SYNE2: variants seen among roughly 807,000 people sequenced by gnomAD.
The protein encoded by SYNE2 is spectrin repeat containing nuclear envelope protein 2.
In SYNE2, 431 loss-of-function variants were observed where a neutral mutation model predicts 856.3. That is an observed-to-expected ratio of 0.50 (90% CI 0.47 to 0.55). SYNE2 has a LOEUF of 0.55. SYNE2 is among the 20% of genes least tolerant of loss of function. The pLI is 0.00. For synonymous variants in SYNE2, 2,923 were observed against 2,872.3 expected (o/e 1.02, Z -0.56); for missense variants, 8,129 against 8,023.2 (o/e 1.01, Z -0.50).
At chr14:63,812,094 C>G (rs1398675403) in intron 1 of SYNE2, among the ~76,000 whole-genome samples, 1 of 152,128 alleles carries the variant, frequency 6.6e-6, no homozygotes, top group Non-Finnish European at 1.5e-5. Flanking sequence ...CTTCCCCAAC[C>G]TAATAAGCCT....
chr14:64,022,830 A>C lies in SYNE2; in HGVS notation c.5604A>C (p.Lys1868Asn). The change falls in exon 38 of 116, where the codon AAA becomes AAC. Residue 1868 changes from lysine to asparagine, a missense_variant. Coordinates refer to ENST00000555002, the MANE Select transcript of SYNE2 (RefSeq NM_182914.3). ...AGTGTTTTGAATCATCAGAAACAAA[A>C]AAGAGTGTGGAACAAAAGCTACAAA... Reference protein sequence around the residue: ...LKECFESSETKKSVEQKLQKL... With the variant: ...LKECFESSETNKSVEQKLQKL... 1 of 1,610,060 alleles carries C rather than the reference A, an allele frequency of 6.2e-7. No individual in the cohort carries two copies. The highest frequency in any genetic ancestry group is 8.5e-7 in the Non-Finnish European group (1 of 1,176,738).
intron 63 of SYNE2, 55 bp from the exon 64 acceptor site, chr14:64,101,877 G>A (rs1360503086): frequency 3.7e-6 from 5 of 1,363,366 alleles, no homozygotes; most frequent in African/African-American, 1.4e-5. Context: ...TAGGGCACCG[G>A]TTATGACAGT....
chr14:64,056,669 T>G (rs974324909), intron 49 of SYNE2, among the ~76,000 whole-genome samples: 25 of 95,506 alleles, frequency 2.6e-4, no homozygotes, highest in Admixed American at 9.0e-4. Flanking sequence ...TGACTTTTGT[T>G]GTACTTTTTT....
At chr14:63,951,603 C>A (rs572602239) in intron 7 of SYNE2, among the ~76,000 whole-genome samples, 2 of 152,264 alleles carry the variant, frequency 1.3e-5, no homozygotes, top group African/African-American at 4.8e-5. Context: ...GCTCCCGGCC[C>A]AGCCTTACTT....
chr14:64,222,616 C>T, intron 112 of SYNE2, among the ~76,000 whole-genome samples: 1 of 152,174 alleles, frequency 6.6e-6, no homozygotes, highest in East Asian at 1.9e-4. Flanking sequence ...ATCCCAGCTA[C>T]CTGGGAGGCT....
At chr14:63,974,890 G>GTGTGTGTATATATATA (rs1555407339) in intron 11 of SYNE2, among the ~76,000 whole-genome samples, 41 of 27,502 alleles carry the variant, frequency 1.5e-3, no homozygotes, top group African/African-American at 4.5e-3. Context: ...GTGTGTGTGT[G>GTGTGTGTATATATATA]TGTATATATA....
At chr14:64,153,019 T>G (rs1288940425) in intron 85 of SYNE2, among the ~76,000 whole-genome samples, 1 of 152,222 alleles carries the variant, frequency 6.6e-6, no homozygotes. Flanking sequence ...ACAGAGTATC[T>G]GGCATTGTTT....
At chr14:64,129,627 A>G (rs2097991728) in intron 74 of SYNE2, among the ~76,000 whole-genome samples, 155 bp from the exon 75 acceptor site, 1 of 152,180 alleles carries the variant, frequency 6.6e-6, no homozygotes, top group South Asian at 2.1e-4. Context: ...ACCTCTGGCA[A>G]GATTGTTAAG....
At chr14:63,762,587 TTTTC>T (rs148412809) in intron 1 of SYNE2, among the ~76,000 whole-genome samples, 31,472 of 109,330 alleles carry the variant, frequency 0.29, 4,284 homozygotes, top group African/African-American at 0.4. Flanking sequence ...TAGGATAATT[TTTTC>T]TTTCTTTTTT....
intron 1 of SYNE2, among the ~76,000 whole-genome samples, chr14:63,807,229 C>T (rs1367015418): frequency 6.6e-6 from 1 of 151,832 alleles, no homozygotes; most frequent in Non-Finnish European, 1.5e-5. Context: ...TCCCAGCTAG[C>T]TACTCAGAAG....
chr14:64,187,673 C>T (rs2098499100), intron 97 of SYNE2, among the ~76,000 whole-genome samples: 2 of 152,156 alleles, frequency 1.3e-5, no homozygotes, highest in Admixed American at 6.5e-5. Context: ...TTATACACAG[C>T]AGGAAAATCT....
chr14:64,038,352 T>C (rs1318045061), intron 45 of SYNE2, among the ~76,000 whole-genome samples: 7 of 147,462 alleles, frequency 4.7e-5, no homozygotes, highest in Admixed American at 4.0e-4. Context: ...CTCCTCACTT[T>C]CCAGACTGGG....
intron 38 of SYNE2, chr14:64,023,143 G>C: frequency 2.6e-6 from 1 of 385,742 alleles, no homozygotes. Context: ...TGTAGTCCCA[G>C]GTGAGAGGAT....
chr14:63,832,110 T>C (rs1340277599), intron 1 of SYNE2, among the ~76,000 whole-genome samples: 1 of 152,088 alleles, frequency 6.6e-6, no homozygotes, highest in Non-Finnish European at 1.5e-5. Flanking sequence ...AAAATAATGC[T>C]ACTAAATTAT....
chr14:64,219,124 T>TTTTTA lies in SYNE2; in HGVS notation c.19658-84_19658-83insTTTTA, dbSNP rs369808458. On this transcript the variant is annotated intron_variant, in intron 109 of 115. Transcript: ENST00000555002. ...TTTTTGTTTTTTTTTTTTTTTTTTTTAACCACCCTGACCCCTAATTAGCTG... is the reference window on the plus strand; with the variant it reads ...TTTTTGTTTTTTTTTTTTTTTTTTTTTTTTAAACCACCCTGACCCCTAATTAGCTG... 7.3e-3 allele frequency: 6,105 copies of TTTTTA among 838,784 alleles called. 46 individuals carry two copies. Among genetic ancestry groups the TTTTTA allele is most frequent in the Admixed American group, 0.021 (760 of 36,034 alleles). The allele number at this position is 838,784 out of a possible 1,614,324, so 52.0% of individuals were successfully genotyped here.
At chr14:64,048,327 T>A in intron 46 of SYNE2, 172 bp downstream of exon 46, 1 of 538,198 alleles carries the variant, frequency 1.9e-6, no homozygotes, top group Non-Finnish European at 3.2e-6. Context: ...TGTATAAATC[T>A]TTCCATTTAG....
chr14:64,100,532 ATATATATAT>A (rs1468874425), intron 63 of SYNE2, among the ~76,000 whole-genome samples: 1,980 of 43,142 alleles, frequency 0.046, 160 homozygotes, highest in African/African-American at 0.087. Flanking sequence ...AAAAAAAAAA[ATATATATAT>A]ATATATATAT....
intron 1 of SYNE2, among the ~76,000 whole-genome samples, chr14:63,879,170 T>C (rs2094799559): frequency 1.3e-5 from 2 of 152,216 alleles, no homozygotes; most frequent in African/African-American, 2.4e-5. Flanking sequence ...TACCCCAACC[T>C]TGAGTTGGGC....
chr14:63,895,404 T>G (rs1176589877), intron 1 of SYNE2, among the ~76,000 whole-genome samples: 1 of 151,746 alleles, frequency 6.6e-6, no homozygotes, highest in African/African-American at 2.4e-5. Context: ...CCACTGCACC[T>G]GGCCAAATTT....
Sources: gnomAD v4.1 joint callset for allele counts (sites outside exome capture counted in the v4.1 genomes callset) on GRCh38, gnomAD v4.1.1 for gene constraint, MANE v1.5 for transcripts, NCBI Gene and HGNC (gene_info 2026-07-23, HGNC 2026-07-21) for gene names.